Variants in FNDC3B observed in about 807,000 individuals in gnomAD.
FNDC3B encodes fibronectin type III domain containing 3B, also known as fibronectin type III domain-containing protein 3B.
FNDC3B carries 12 observed loss-of-function variants against 151.5 expected under a neutral mutation model. The observed-to-expected ratio is 0.08, with a 90% CI of 0.05 to 0.13. FNDC3B has a LOEUF of 0.13. Ranked by LOEUF, FNDC3B falls within the 10% of genes least tolerant of loss-of-function variation. The probability of loss-of-function intolerance (pLI) is 1.00; values close to 1 mark genes in which losing one functional copy is unlikely to be tolerated. For missense variants in FNDC3B, 1,214 were observed against 1,505.3 expected, an observed-to-expected ratio of 0.81 and a Z score of 3.20; for synonymous variants, 528 against 549.0, an observed-to-expected ratio of 0.96 and a Z score of 0.54.
chr3:172,286,038 G>T (rs1576873858), intron 7 of FNDC3B, 54 bp downstream of exon 7: 3 of 1,371,996 alleles, frequency 2.2e-6, no homozygotes, highest in East Asian at 2.4e-5. Flanking sequence ...TATTTCAAAT[G>T]TGCTTTTTTT....
In FNDC3B at chr3:172,095,361, A is replaced by C. The variant is rs150275962; in HGVS notation, c.-28-17091A>C. 6.6e-5 allele frequency among the ~76,000 whole-genome samples: 10 copies of C among 152,324 alleles called. No individual in the cohort carries two copies. The East Asian group carries it at 1.9e-3, about 29-fold the overall frequency. On this transcript the variant is annotated intron_variant, in intron 1 of 25. Coordinates refer to ENST00000415807, the MANE Select transcript of FNDC3B (RefSeq NM_022763.4). ...GATTCTGTGGTATATTCTGAAACTG[A>C]AAATAGCTTCTAGGAGATTCACAGT...
chr3:172,241,631 T>C (rs1392452215), intron 4 of FNDC3B, among the ~76,000 whole-genome samples: 4 of 151,902 alleles, frequency 2.6e-5, no homozygotes, highest in South Asian at 2.1e-4. Flanking sequence ...ATGAGACTTA[T>C]TCACTATCAT....
In FNDC3B at chr3:172,203,614, A is replaced by G. The variant is rs1725270347; in HGVS notation, c.188-23257A>G. Among the ~76,000 whole-genome samples the G allele has an allele frequency of 2.6e-5, 4 of 152,154 alleles. No individual in the cohort carries two copies. The South Asian group carries it at 8.3e-4, about 31-fold the overall frequency. The stretch of plus-strand genomic sequence containing the variant: ...TTTGATTTGCTTTATCTTTTCGCTG[A>G]TTTTCTTTGAAAGATTATGCTTGGT... On this transcript the variant is annotated intron_variant, in intron 3 of 25. Coordinates refer to ENST00000415807, the MANE Select transcript of FNDC3B (RefSeq NM_022763.4).
intron 3 of FNDC3B, among the ~76,000 whole-genome samples, chr3:172,200,487 T>G (rs1325909261): frequency 6.6e-6 from 1 of 152,232 alleles, no homozygotes; most frequent in Non-Finnish European, 1.5e-5. Context: ...TGCAAACCAT[T>G]CTGTTTTTCA....
At chr3:172,212,376 T>C (rs894887031) in intron 3 of FNDC3B, among the ~76,000 whole-genome samples, 66 of 152,222 alleles carry the variant, frequency 4.3e-4, no homozygotes, top group African/African-American at 1.5e-3. Flanking sequence ...CTACTTTCTA[T>C]TTATTTTTTA....
At chr3:172,044,344 C>G (rs1576812706) in intron 1 of FNDC3B, among the ~76,000 whole-genome samples, 1 of 129,762 alleles carries the variant, frequency 7.7e-6, no homozygotes, top group Admixed American at 8.0e-5. Flanking sequence ...AATGTAATCT[C>G]TTTTTATTAG....
intron 3 of FNDC3B, among the ~76,000 whole-genome samples, chr3:172,204,702 A>G (rs548007630): frequency 1.8e-4 from 27 of 152,336 alleles, no homozygotes; most frequent in African/African-American, 6.5e-4. Flanking sequence ...TTGTCAGTTT[A>G]GTCACTTTCT....
chr3:172,229,081 AGAAACAC>A (rs1260784961), intron 4 of FNDC3B, among the ~76,000 whole-genome samples: 2 of 127,210 alleles, frequency 1.6e-5, no homozygotes, highest in Non-Finnish European at 3.2e-5. Context: ...GTAGAAAGAA[AGAAACAC>A]ACACACACAC....
intron 6 of FNDC3B, among the ~76,000 whole-genome samples, chr3:172,258,853 T>G (rs1291699062): frequency 4.6e-5 from 7 of 152,224 alleles, no homozygotes; most frequent in Admixed American, 4.6e-4. Flanking sequence ...AGTAGGGCTT[T>G]TGCACTTCAC....
At chr3:172,194,149 G>A (rs1022750448) in intron 3 of FNDC3B, among the ~76,000 whole-genome samples, 1 of 152,118 alleles carries the variant, frequency 6.6e-6, no homozygotes, top group Non-Finnish European at 1.5e-5. Context: ...GAACCCGGGG[G>A]GCGGAGCCTG....
intron 6 of FNDC3B, among the ~76,000 whole-genome samples, chr3:172,276,984 T>G (rs952970831): frequency 5.9e-5 from 9 of 152,226 alleles, no homozygotes; most frequent in Non-Finnish European, 5.9e-5. Context: ...GATTTTAATC[T>G]CAAATTTATT....
At chr3:172,343,799 T>A (rs1733462731) in intron 18 of FNDC3B, among the ~76,000 whole-genome samples, 1 of 152,234 alleles carries the variant, frequency 6.6e-6, no homozygotes, top group Non-Finnish European at 1.5e-5. Context: ...TCCATTTACC[T>A]AGCATTAGAA....
At chr3:172,316,111 G>A (rs538689601) in intron 11 of FNDC3B, among the ~76,000 whole-genome samples, 10 of 147,408 alleles carry the variant, frequency 6.8e-5, no homozygotes, top group Non-Finnish European at 1.5e-4. Context: ...AGGTTCAAGC[G>A]ATTCCCCTGC....
intron 6 of FNDC3B, among the ~76,000 whole-genome samples, chr3:172,276,837 A>G (rs764172467): frequency 2.0e-5 from 3 of 152,242 alleles, no homozygotes; most frequent in African/African-American, 4.8e-5. Context: ...TATAAAAAGT[A>G]TAAGGGATTT....
chr3:172,101,028 C>T (rs1190762589), intron 1 of FNDC3B, among the ~76,000 whole-genome samples: 2 of 152,064 alleles, frequency 1.3e-5, no homozygotes, highest in African/African-American at 4.8e-5. Context: ...AGATTCTTTT[C>T]CTTATAATGA....
intron 2 of FNDC3B, among the ~76,000 whole-genome samples, chr3:172,125,718 T>C (rs906069776): frequency 1.3e-5 from 2 of 152,232 alleles, no homozygotes; most frequent in Non-Finnish European, 2.9e-5. Flanking sequence ...AAGTGTATCC[T>C]TCAAAAGGAA....
intron 3 of FNDC3B, among the ~76,000 whole-genome samples, chr3:172,209,974 G>C (rs1725647583): frequency 6.6e-6 from 1 of 152,236 alleles, no homozygotes; most frequent in African/African-American, 2.4e-5. Context: ...CAGTGCCCAG[G>C]CTCAGCCACA....
At chr3:172,218,134 GAAA>G (rs57576493) in intron 3 of FNDC3B, among the ~76,000 whole-genome samples, 181 of 62,706 alleles carry the variant, frequency 2.9e-3, no homozygotes, top group African/African-American at 9.5e-3. Flanking sequence ...CGACTTTCAG[GAAA>G]AAAAAAAAAA....
At chr3:172,151,145 CTTAT>C (rs991406242) in intron 3 of FNDC3B, among the ~76,000 whole-genome samples, 3 of 152,032 alleles carry the variant, frequency 2.0e-5, no homozygotes, top group Non-Finnish European at 4.4e-5. Flanking sequence ...TGCGGAAAGC[CTTAT>C]TTATTTTTTG....
Sources: gnomAD v4.1 joint callset for allele counts (sites outside exome capture counted in the v4.1 genomes callset) on GRCh38, gnomAD v4.1.1 for gene constraint, MANE v1.5 for transcripts, NCBI Gene and HGNC (gene_info 2026-07-23, HGNC 2026-07-21) for gene names.